The following SEPTIN4 variants were observed in gnomAD, a reference collection of about 807,000 sequenced individuals.
The protein encoded by SEPTIN4 is septin 4, also known as septin-4.
Under a neutral mutation model 107.1 loss-of-function variants are expected in SEPTIN4, and 52 were observed. The observed-to-expected ratio is 0.49, with a 90% CI of 0.39 to 0.61. The LOEUF (loss-of-function observed/expected upper bound fraction) is 0.61, where lower values mean the gene tolerates loss of function less well. Among genes scored for constraint, SEPTIN4 ranks in the 20% least tolerant of loss-of-function variants. The pLI, the probability that SEPTIN4 is intolerant of heterozygous loss-of-function variation, is 0.00. For missense variants in SEPTIN4, 1,048 were observed against 1,243.5 expected (o/e 0.84, Z 2.36); for synonymous variants, 417 against 467.0 (o/e 0.89, Z 1.38).
At chr17:58,540,335 T>C (rs759492472) in intron 3 of SEPTIN4, among the ~76,000 whole-genome samples, 57 of 152,220 alleles carry the variant, frequency 3.7e-4, no homozygotes, top group Non-Finnish European at 6.9e-4. Flanking sequence ...TAGACGGCCT[T>C]CCCACAGAGC....
intron 3 of SEPTIN4, chr17:58,527,424 T>TG (rs1230640900): frequency 3.1e-6 from 1 of 319,258 alleles, no homozygotes; most frequent in Non-Finnish European, 6.2e-6. Flanking sequence ...TGCATCAGAA[T>TG]GGGGCAGGGA....
At position 58,521,332 on chromosome 17, in the gene SEPTIN4, C is replaced by T; in HGVS notation, c.2590G>A (p.Val864Ile). ...QALKESIPFA[V>I]IGSNTVVEAR... Reference sequence around the variant, plus strand: ...TCTACTACAGTGTTGCTGCCAATTACTGCAAATGGGATGCTTTCCTGGAAG... The same window carrying T: ...TCTACTACAGTGTTGCTGCCAATTATTGCAAATGGGATGCTTTCCTGGAAG... Residue 864 changes from valine (V) to isoleucine (I), a missense_variant, in exon 11 of 14, where the codon GTA becomes ATA. Physicochemically the swap from Val to Ile is conservative, Grantham distance 29. Transcript: ENST00000672673. The surrounding 1 kb of genome is among the most constrained non-coding windows in gnomAD (Gnocchi z 6.4). 1.9e-6 allele frequency: 3 copies of T among 1,614,228 alleles called. No homozygotes were observed. Among genetic ancestry groups the T allele is most frequent in the Non-Finnish European group, 2.5e-6 (3 of 1,180,042 alleles).
chr17:58,534,543 A>G (rs1041288040), intron 3 of SEPTIN4, among the ~76,000 whole-genome samples: 1 of 152,250 alleles, frequency 6.6e-6, no homozygotes, highest in African/African-American at 2.4e-5. Flanking sequence ...ATCTCCAGCC[A>G]GCAGGTGGCC....
intron 3 of SEPTIN4, chr17:58,529,023 G>T: frequency 6.7e-7 from 1 of 1,496,046 alleles, no homozygotes; most frequent in Non-Finnish European, 9.3e-7. Context: ...CTCTGCCAGT[G>T]ACCAAATCAT....
chr17:58,522,251 C>T, intron 7 of SEPTIN4, 150 bp from the exon 8 acceptor site: 1 of 1,032,426 alleles, frequency 9.7e-7, no homozygotes, highest in Non-Finnish European at 1.4e-6. Context: ...AGAGAAATTC[C>T]TGAATGGGGT....
rs1483126122 is a variant in SEPTIN4 at position 58,542,667 on chromosome 17, G to A, written c.1520C>T (p.Thr507Ile). 3.7e-6 allele frequency: 6 copies of A among 1,613,888 alleles called. No individual in the cohort carries two copies. The highest frequency in any genetic ancestry group is 5.1e-6 in the Non-Finnish European group (6 of 1,179,990). ...AAACCTTTGAATGGGTTGTTTGCAG[G>A]TGTGCTTGGGGGTCTGTGGCACTTC... is the stretch of plus-strand genomic sequence containing the variant. ...LSEVPQTPKHTCKQPIQRFTA... is the reference protein window; with the variant it reads ...LSEVPQTPKHICKQPIQRFTA... The change falls in exon 1 of 14, where the codon ACC becomes ATC. Residue 507 changes from threonine to isoleucine, a missense_variant. By Grantham distance (89) the Thr-to-Ile change is moderately conservative. Coordinates refer to ENST00000672673, the MANE Select transcript of SEPTIN4 (RefSeq NM_001368771.2).
At position 58,542,982 on chromosome 17, in the gene SEPTIN4, A is replaced by G. The variant is rs2043922681; in HGVS notation, c.1205T>C (p.Ile402Thr). The G allele has an allele frequency of 1.2e-6, 2 of 1,613,106 alleles. No homozygotes were observed. Among genetic ancestry groups the G allele is most frequent in the African/African-American group, 1.3e-5 (1 of 74,922 alleles). ...RYPELSQKPS[I>T]HAELELTPRP... ...AGGGGTCAGTTCCAGTTCTGCATGGATGGAGGGCTTTTGCGAGAGTTCTGG... is the reference window on the plus strand; with the variant it reads ...AGGGGTCAGTTCCAGTTCTGCATGGGTGGAGGGCTTTTGCGAGAGTTCTGG... Residue 402 changes from isoleucine to threonine, a missense_variant, in exon 1 of 14, where the codon ATC (isoleucine) becomes ACC (threonine). Physicochemically the swap from Ile to Thr is moderately conservative, Grantham distance 89. Around this residue, in one of 2 missense-constraint regions of SEPTIN4, gnomAD observed 787 missense variants for 871.8 expected, o/e 0.90. Coordinates refer to ENST00000672673, the MANE Select transcript of SEPTIN4 (RefSeq NM_001368771.2).
rs1011111052 is a variant in SEPTIN4, at chr17:58,538,522, T to C, written c.1614+2144A>G. On this transcript the variant is annotated intron_variant, in intron 3 of 13. Transcript: ENST00000672673. This position sits in a 1 kb window ranked among gnomAD's most constrained non-coding sequence, Gnocchi z 4.7. The stretch of plus-strand genomic sequence containing the variant: ...ATCAAAGGCATTGCAGCCCCTCCCA[T>C]CAGAACTGCTTTATTTCCAGGAAAT... Among the ~76,000 whole-genome samples the C allele has an allele frequency of 6.6e-6, 1 of 152,024 alleles. No individual in the cohort carries two copies. The highest frequency in any genetic ancestry group is 1.5e-5 in the Non-Finnish European group (1 of 68,000).
chr17:58,539,127 G>GCT lies in SEPTIN4; in HGVS notation c.1614+1538_1614+1539insAG, dbSNP rs767021232. On this transcript the variant is annotated intron_variant, in intron 3 of 13. Transcript: ENST00000672673. ...GCCATCCTACCTCCAGAGAGTCAGA[G>GCT]AAGACCAGCAGCCCAGCTGCTTGGG... is the stretch of plus-strand genomic sequence containing the variant. The GCT allele has an allele frequency of 5.0e-5, 77 of 1,533,004 alleles. No individual in the cohort carries two copies. The South Asian group carries it at 8.2e-4, about 16-fold the overall frequency. 95.0% of individuals were successfully genotyped at this position (1,533,004 alleles called of 1,614,324 possible). A position where few individuals can be genotyped will look rare whatever the true frequency, so the allele number is the denominator to read the frequency against.
intron 3 of SEPTIN4, among the ~76,000 whole-genome samples, chr17:58,532,663 G>A (rs1419353689): frequency 1.3e-5 from 2 of 152,216 alleles, no homozygotes; most frequent in Admixed American, 6.5e-5. Flanking sequence ...AAGGATAGAA[G>A]GGAGAGGCTG....
chr17:58,526,274 G>T lies in SEPTIN4; in HGVS notation c.1951C>A (p.Gln651Lys). 6.2e-7 allele frequency: 1 copy of T among 1,604,058 alleles called. No homozygotes were observed. The highest frequency in any genetic ancestry group is 1.3e-5 in the African/African-American group (1 of 74,488). ...EYVGFATLPN[Q>K]VHRKSVKKGF... is the part of the protein sequence containing the mutation. Reference sequence around the variant, plus strand: ...TTCTTCACGGACTTTCGGTGGACTTGGTTGGGGAGGGTTGCAAAGCCCACA... The same window carrying T: ...TTCTTCACGGACTTTCGGTGGACTTTGTTGGGGAGGGTTGCAAAGCCCACA... The change falls in exon 5 of 14, where the codon CAA becomes AAA. Residue 651 changes from glutamine to lysine, a missense_variant. Physicochemically the swap from Gln to Lys is moderately conservative, Grantham distance 53. Transcript: ENST00000672673.
intron 3 of SEPTIN4, among the ~76,000 whole-genome samples, chr17:58,535,461 C>T (rs1038599111): frequency 1.3e-5 from 2 of 152,236 alleles, no homozygotes; most frequent in African/African-American, 4.8e-5. Context: ...GCTCCCCTGC[C>T]TTCCCAGCCT....
rs773448618 is a variant in SEPTIN4, at chr17:58,526,351, G to A, written c.1912-38C>T. On this transcript the variant is annotated intron_variant, in intron 4 of 13. Coordinates refer to ENST00000672673, the MANE Select transcript of SEPTIN4 (RefSeq NM_001368771.2). Reference sequence around the variant, plus strand: ...AAGGCAGAATGCATCACGGTGAGGAGCCAAAGGGGCCCCGGCACCCAGCGC... The same window carrying A: ...AAGGCAGAATGCATCACGGTGAGGAACCAAAGGGGCCCCGGCACCCAGCGC... 22 of 1,478,458 alleles carry A rather than the reference G, an allele frequency of 1.5e-5. No homozygotes were observed. In the African/African-American group the frequency reaches 1.9e-4, roughly 13 times the overall value. The allele number at this position is 1,478,458 out of a possible 1,614,324, so 91.6% of individuals were successfully genotyped here.
Position 58,522,654 on chromosome 17 carries a change from CAAAAAAA to C in SEPTIN4, c.2217-560_2217-554del, listed in dbSNP as rs1233539293. ...CCTGGGTGATGGAGCCAGACTGTCACAAAAAAAAAAAAAAAAAGAAGAAGAAGAAGAA... is the reference window on the plus strand; with the variant it reads ...CCTGGGTGATGGAGCCAGACTGTCACAAAAAAAAAAGAAGAAGAAGAAGAA... On this transcript the variant is annotated intron_variant, in intron 7 of 13. Transcript: ENST00000672673. Among the ~76,000 whole-genome samples the C allele has an allele frequency of 7.6e-5, 4 of 52,676 alleles. No homozygotes were observed. In the Admixed American group the frequency reaches 8.6e-4, roughly 11 times the overall value. 34.6% of individuals were successfully genotyped at this position (52,676 alleles called of 152,430 possible). A position where few individuals can be genotyped will look rare whatever the true frequency, so the allele number is the denominator to read the frequency against.
chr17:58,536,021 T>A (rs1225613418), intron 3 of SEPTIN4, among the ~76,000 whole-genome samples: 4 of 152,192 alleles, frequency 2.6e-5, no homozygotes, highest in Non-Finnish European at 5.9e-5. Flanking sequence ...GATGTTACTC[T>A]CACTAAAACC....
Position 58,543,737 on chromosome 17 carries a change from G to A in SEPTIN4, c.450C>T (p.Ile150=), listed in dbSNP as rs748824145. The change falls in exon 1 of 14, where the codon ATC becomes ATT. Residue 150 remains isoleucine (I), a synonymous_variant. Coordinates refer to ENST00000672673, the MANE Select transcript of SEPTIN4 (RefSeq NM_001368771.2). ...GREVGHHASS[I]PDAKSTHQLS... ...ACTGATGAGTAGATTTGGCATCTGG[G>A]ATTGATGAAGCATGATGGCCGACCT... 5.0e-6 allele frequency: 8 copies of A among 1,614,062 alleles called. No individual in the cohort carries two copies. In the African/African-American group the frequency reaches 5.3e-5, roughly 11 times the overall value.
intron 3 of SEPTIN4, among the ~76,000 whole-genome samples, chr17:58,534,787 T>C (rs1385954104): frequency 6.6e-6 from 1 of 152,204 alleles, no homozygotes; most frequent in Non-Finnish European, 1.5e-5. Flanking sequence ...CAACATGATA[T>C]GTCCTGGCCC....
chr17:58,530,508 G>C (rs541095783), intron 3 of SEPTIN4: 15 of 152,474 alleles, frequency 9.8e-5, no homozygotes, highest in Admixed American at 3.3e-4. Flanking sequence ...TGGCTGGCTT[G>C]AGGGCAGGGG....
At position 58,521,324 on chromosome 17, in the gene SEPTIN4, G is replaced by A. The variant is rs1171855314; in HGVS notation, c.2598C>T (p.Gly866=). The change falls in exon 11 of 14, where the codon GGC becomes GGT. Residue 866 remains glycine, a synonymous_variant. Coordinates refer to ENST00000672673, the MANE Select transcript of SEPTIN4 (RefSeq NM_001368771.2). The surrounding 1 kb of genome is among the most constrained non-coding windows in gnomAD (Gnocchi z 6.4). ...LKESIPFAVI[G]SNTVVEARGR... ...CTCTGGCCTCTACTACAGTGTTGCT[G>A]CCAATTACTGCAAATGGGATGCTTT... 2.5e-6 allele frequency: 4 copies of A among 1,614,072 alleles called. No homozygotes were observed. The highest frequency in any genetic ancestry group is 3.4e-6 in the Non-Finnish European group (4 of 1,180,040).
Sources: gnomAD v4.1 joint callset for allele counts (sites outside exome capture counted in the v4.1 genomes callset) on GRCh38, gnomAD v4.1.1 for gene constraint, gnomAD v4.1.1 regional missense constraint, Gnocchi (gnomAD v3.1) non-coding constraint, MANE v1.5 for transcripts, NCBI Gene and HGNC (gene_info 2026-07-23, HGNC 2026-07-21) for gene names.